TANGO6: variants seen among roughly 807,000 people sequenced by gnomAD.
The protein encoded by TANGO6 is transport and golgi organization 6 homolog.
A neutral mutation model predicts 114.2 loss-of-function variants in TANGO6; 90 were observed. The observed-to-expected ratio is 0.79, with a 90% CI of 0.66 to 0.94. The LOEUF (loss-of-function observed/expected upper bound fraction) is 0.94, where lower values mean the gene tolerates loss of function less well. Ranked by LOEUF, TANGO6 falls within the 40% of genes least tolerant of loss-of-function variation. TANGO6 has a pLI of 0.00. For synonymous variants in TANGO6, 477 were observed against 509.8 expected, an observed-to-expected ratio of 0.94 and a Z score of 0.87; for missense variants, 1,274 against 1,315.3, an observed-to-expected ratio of 0.97 and a Z score of 0.49.
At chr16:68,889,664 T>C (rs1196194734) in intron 7 of TANGO6, among the ~76,000 whole-genome samples, 1 of 152,162 alleles carries the variant, frequency 6.6e-6, no homozygotes, top group Non-Finnish European at 1.5e-5. Context: ...GAATTGCAAA[T>C]GTTAGCTTTT....
At chr16:68,861,887 CT>C (rs761250640) in intron 2 of TANGO6, among the ~76,000 whole-genome samples, 2 of 152,108 alleles carry the variant, frequency 1.3e-5, no homozygotes, top group Non-Finnish European at 2.9e-5. Flanking sequence ...ATTGTACCCC[CT>C]CTTTGCTGCC....
intron 12 of TANGO6, among the ~76,000 whole-genome samples, chr16:68,922,648 C>T (rs953419890): frequency 2.0e-5 from 3 of 152,008 alleles, no homozygotes; most frequent in African/African-American, 4.8e-5. Flanking sequence ...AAGTATTATA[C>T]ATTGGTTACT....
At chr16:69,000,552 T>C (rs527440701) in intron 15 of TANGO6, among the ~76,000 whole-genome samples, 1 of 152,304 alleles carries the variant, frequency 6.6e-6, no homozygotes, top group African/African-American at 2.4e-5. Flanking sequence ...CTCCTCTTTT[T>C]TTCCTATAGT....
chr16:68,980,570 T>TC (rs1963824593), intron 15 of TANGO6, among the ~76,000 whole-genome samples: 1 of 151,298 alleles, frequency 6.6e-6, no homozygotes, highest in African/African-American at 2.4e-5. Flanking sequence ...CACCTATAGT[T>TC]CCAGCTACTC....
intron 15 of TANGO6, among the ~76,000 whole-genome samples, chr16:69,015,895 C>A (rs1177158393): frequency 6.6e-6 from 1 of 152,086 alleles, no homozygotes; most frequent in African/African-American, 2.4e-5. Flanking sequence ...CTTATATGGC[C>A]AGTCAGTATA....
rs569810441 is a variant in TANGO6 at position 69,084,788 on chromosome 16, A to C, written c.*1127A>C. Reference sequence around the variant, plus strand: ...GGATTTTATCACGCTCTCTGGGGTGACTAGATCCACAGGAACCAAAACGCA... The same window carrying C: ...GGATTTTATCACGCTCTCTGGGGTGCCTAGATCCACAGGAACCAAAACGCA... On this transcript the variant is annotated 3_prime_UTR_variant, in exon 18 of 18. Transcript: ENST00000261778. The C allele has an allele frequency of 6.6e-6, 1 of 152,494 alleles. No homozygotes were observed. Among genetic ancestry groups the C allele is most frequent in the Non-Finnish European group, 1.5e-5 (1 of 68,040 alleles). 9.4% of individuals were successfully genotyped at this position (152,494 alleles called of 1,614,324 possible). A position where few individuals can be genotyped will look rare whatever the true frequency, so the allele number is the denominator to read the frequency against.
intron 4 of TANGO6, chr16:68,867,869 T>C (rs1125673): frequency 0.7 from 103,815 of 149,222 alleles, 36,873 homozygotes; most frequent in African/African-American, 0.88. Context: ...AAGCCAGGTG[T>C]GGTGGCTCAC....
chr16:68,879,327 T>G (rs557157795), intron 6 of TANGO6, among the ~76,000 whole-genome samples: 1 of 149,808 alleles, frequency 6.7e-6, no homozygotes, highest in Non-Finnish European at 1.5e-5. Flanking sequence ...AGAAAAAATT[T>G]TAAAAATTAG....
At chr16:68,909,146 A>G (rs1467111592) in intron 10 of TANGO6, 65 bp from the exon 11 acceptor site, 12 of 1,253,344 alleles carry the variant, frequency 9.6e-6, no homozygotes, top group Admixed American at 3.9e-5. Context: ...TTTTCTGCTT[A>G]TGTTTGAGAA....
intron 15 of TANGO6, among the ~76,000 whole-genome samples, chr16:68,989,451 T>C (rs1048704734): frequency 6.6e-6 from 1 of 152,220 alleles, no homozygotes; most frequent in Non-Finnish European, 1.5e-5. Flanking sequence ...TTTGCATTTC[T>C]AGAATTTGTA....
At chr16:69,083,209 C>T (rs151029731) in intron 17 of TANGO6, among the ~76,000 whole-genome samples, 3 of 151,518 alleles carry the variant, frequency 2.0e-5, no homozygotes, top group Admixed American at 6.6e-5. Context: ...TACAGGCATG[C>T]GCCACCACAC....
At chr16:68,918,532 GTCA>G (rs1363700427) in intron 11 of TANGO6, among the ~76,000 whole-genome samples, 7 of 152,146 alleles carry the variant, frequency 4.6e-5, no homozygotes, top group Non-Finnish European at 5.9e-5. Context: ...TAATTTACAA[GTCA>G]TTTTGCTTTT....
At chr16:68,928,373 C>T (rs1230233468) in intron 13 of TANGO6, among the ~76,000 whole-genome samples, 3 of 133,458 alleles carry the variant, frequency 2.2e-5, no homozygotes, top group Admixed American at 8.9e-5. Context: ...GGTGCAATCT[C>T]GGCTCACTGC....
intron 17 of TANGO6, among the ~76,000 whole-genome samples, chr16:69,068,326 G>A (rs536428967): frequency 6.6e-5 from 10 of 152,004 alleles, no homozygotes; most frequent in South Asian, 2.1e-4. Flanking sequence ...AATAAAAACC[G>A]CTTTGAGAGA....
At chr16:68,879,807 G>A (rs914500647) in intron 6 of TANGO6, among the ~76,000 whole-genome samples, 2 of 151,376 alleles carry the variant, frequency 1.3e-5, no homozygotes, top group African/African-American at 4.9e-5. Context: ...TAGTAGAGAT[G>A]GGGTTTCACT....
In TANGO6 at chr16:68,862,394, G is replaced by A. The variant is rs182690678; in HGVS notation, c.736-551G>A. Among the ~76,000 whole-genome samples, 434 of 151,988 alleles carry A rather than the reference G, an allele frequency of 2.9e-3. 2 individuals carry two copies. The highest frequency in any genetic ancestry group is 9.9e-3 in the African/African-American group (411 of 41,438). The stretch of plus-strand genomic sequence containing the variant: ...GTATTTTTAGTAGAGGCAGGGTTTT[G>A]CCATGTTGGCCAGGCTGGTCTCGAA... On this transcript the variant is annotated intron_variant, in intron 2 of 17. Coordinates refer to ENST00000261778, the MANE Select transcript of TANGO6 (RefSeq NM_024562.2).
intron 7 of TANGO6, among the ~76,000 whole-genome samples, chr16:68,898,945 C>CATT (rs1962745666): frequency 2.0e-5 from 2 of 100,240 alleles, no homozygotes; most frequent in Non-Finnish European, 3.8e-5. Context: ...CAATTATCTG[C>CATT]CTTATTATTA....
intron 16 of TANGO6, chr16:69,035,363 A>C (rs1959669929): frequency 6.6e-6 from 1 of 152,222 alleles, no homozygotes; most frequent in African/African-American, 2.4e-5. Flanking sequence ...ACAAGTTAGC[A>C]AACCAACTGA....
chr16:69,055,305 G>C (rs534270051), intron 17 of TANGO6, among the ~76,000 whole-genome samples: 4 of 152,166 alleles, frequency 2.6e-5, no homozygotes, highest in Non-Finnish European at 5.9e-5. Flanking sequence ...ATAGAGCTGG[G>C]GGGTCAGCGA....
Sources: allele counts gnomAD v4.1 joint callset (sites outside exome capture counted in the v4.1 genomes callset), GRCh38; gene constraint gnomAD v4.1.1; transcripts MANE v1.5; gene names NCBI Gene and HGNC (gene_info 2026-07-23, HGNC 2026-07-21).